NTM: variants seen among roughly 807,000 people sequenced by gnomAD.
The protein encoded by NTM is IgLON family member 2.
In NTM, 13 loss-of-function variants were observed where a neutral mutation model predicts 42.1. That is an observed-to-expected ratio of 0.31 (90% CI 0.20 to 0.49). The LOEUF (loss-of-function observed/expected upper bound fraction) is 0.49, where lower values mean the gene tolerates loss of function less well. NTM is among the 20% of genes least tolerant of loss of function. The pLI is 0.99. For synonymous variants in NTM, 187 were observed against 179.2 expected (o/e 1.04, Z -0.35); for missense variants, 373 against 452.8 (o/e 0.82, Z 1.60).
intron 4 of NTM, among the ~76,000 whole-genome samples, chr11:132,231,202 C>T (rs1272087892): frequency 6.6e-6 from 1 of 152,136 alleles, no homozygotes; most frequent in Non-Finnish European, 1.5e-5. Context: ...TGCAAATGTC[C>T]ATCTTCAAGA....
At chr11:131,836,829 G>T (rs1165253302) in intron 1 of NTM, among the ~76,000 whole-genome samples, 1 of 152,208 alleles carries the variant, frequency 6.6e-6, no homozygotes, top group Non-Finnish European at 1.5e-5. Context: ...TGAGTAATTA[G>T]TTGGATCAAA....
intron 1 of NTM, among the ~76,000 whole-genome samples, chr11:131,904,911 A>C (rs1369701417): frequency 1.3e-5 from 2 of 152,034 alleles, no homozygotes; most frequent in Non-Finnish European, 2.9e-5. Context: ...TTCCTCTCTG[A>C]CTACATCTCA....
chr11:131,647,358 G>A (rs889521072), intron 1 of NTM, among the ~76,000 whole-genome samples: 1 of 152,194 alleles, frequency 6.6e-6, no homozygotes, highest in Non-Finnish European at 1.5e-5. Context: ...TGCCAGGCAT[G>A]GAACAGTGCA....
chr11:131,493,015 C>G (rs145211676), intron 1 of NTM, among the ~76,000 whole-genome samples: 1 of 151,894 alleles, frequency 6.6e-6, no homozygotes, highest in South Asian at 2.1e-4. Context: ...CCCAGAAGCT[C>G]AAGACCAGCC....
At chr11:132,044,570 G>A (rs2077717078) in intron 2 of NTM, among the ~76,000 whole-genome samples, 1 of 152,018 alleles carries the variant, frequency 6.6e-6, no homozygotes, top group Non-Finnish European at 1.5e-5. Context: ...ATGTTCCTGA[G>A]GTGGCCGACA....
intron 1 of NTM, among the ~76,000 whole-genome samples, chr11:131,808,667 A>G (rs981174319): frequency 6.6e-6 from 1 of 152,226 alleles, no homozygotes. Context: ...GGTGAGTCAC[A>G]TCACATGGGT....
At chr11:131,857,565 T>A (rs2046224714) in intron 1 of NTM, among the ~76,000 whole-genome samples, 1 of 152,210 alleles carries the variant, frequency 6.6e-6, no homozygotes, top group African/African-American at 2.4e-5. Flanking sequence ...TGTTCACACG[T>A]CTTTTCCTGG....
chr11:131,919,033 C>G (rs530927533), intron 2 of NTM, among the ~76,000 whole-genome samples: 1 of 152,086 alleles, frequency 6.6e-6, no homozygotes, highest in South Asian at 2.1e-4. Context: ...GACACCAATT[C>G]TAGGAGGATT....
chr11:131,390,574 C>G (rs1303259897), intron 1 of NTM, among the ~76,000 whole-genome samples: 1 of 152,102 alleles, frequency 6.6e-6, no homozygotes, highest in Non-Finnish European at 1.5e-5. Flanking sequence ...GAGTCCTACA[C>G]AGGATTGAGG....
intron 1 of NTM, among the ~76,000 whole-genome samples, chr11:131,504,280 G>T (rs2047209204): frequency 6.6e-6 from 1 of 152,146 alleles, no homozygotes; most frequent in African/African-American, 2.4e-5. Context: ...ACTTGCAAAT[G>T]CAGACCCCTT....
At chr11:132,147,765 C>CT (rs1222315075) in intron 3 of NTM, among the ~76,000 whole-genome samples, 2 of 152,128 alleles carry the variant, frequency 1.3e-5, no homozygotes, top group East Asian at 1.9e-4. Context: ...CTAGGGGCTC[C>CT]TTCCACCAGT....
chr11:131,384,650 G>A (rs1943090908), intron 1 of NTM, among the ~76,000 whole-genome samples: 1 of 152,280 alleles, frequency 6.6e-6, no homozygotes, highest in Admixed American at 6.5e-5. Context: ...GCCAGGTGAG[G>A]CCCTCAGGGA....
intron 1 of NTM, among the ~76,000 whole-genome samples, chr11:131,895,612 A>G (rs2052144308): frequency 6.6e-6 from 1 of 152,016 alleles, no homozygotes; most frequent in Non-Finnish European, 1.5e-5. Context: ...AGATACACAT[A>G]CACACATTTA....
intron 4 of NTM, among the ~76,000 whole-genome samples, chr11:132,251,987 CCAGA>C (rs939383161): frequency 6.6e-6 from 1 of 152,130 alleles, no homozygotes; most frequent in African/African-American, 2.4e-5. Flanking sequence ...GCCTTTCCGC[CCAGA>C]CAGAGAGTGA....
At chr11:131,645,880 A>G (rs1198636136) in intron 1 of NTM, among the ~76,000 whole-genome samples, 3 of 152,220 alleles carry the variant, frequency 2.0e-5, no homozygotes, top group Non-Finnish European at 2.9e-5. Flanking sequence ...ACATCACTCT[A>G]TACCATTAGA....
chr11:131,515,011 C>T (rs771100687), intron 1 of NTM, among the ~76,000 whole-genome samples: 9 of 152,188 alleles, frequency 5.9e-5, no homozygotes, highest in East Asian at 5.8e-4. Context: ...TGGGAACAAG[C>T]GATCCTCCTG....
chr11:132,113,701 A>G (rs926923185), intron 2 of NTM, among the ~76,000 whole-genome samples: 2 of 152,154 alleles, frequency 1.3e-5, no homozygotes, highest in Non-Finnish European at 2.9e-5. Flanking sequence ...TGGATCTGGA[A>G]ATGATTGAGA....
intron 1 of NTM, among the ~76,000 whole-genome samples, chr11:131,483,691 G>A (rs1953860198): frequency 6.6e-6 from 1 of 152,220 alleles, no homozygotes; most frequent in Admixed American, 6.5e-5. Flanking sequence ...CAGCAGCGAA[G>A]AAGAGCCGCT....
intron 1 of NTM, chr11:131,605,881 C>T: frequency 1.0e-6 from 1 of 983,190 alleles, no homozygotes; most frequent in African/African-American, 1.7e-5. Context: ...GCTTCACCAC[C>T]CCACTCTATT....
Sources: gnomAD v4.1 joint callset for allele counts (sites outside exome capture counted in the v4.1 genomes callset) on GRCh38, gnomAD v4.1.1 for gene constraint, MANE v1.5 for transcripts, NCBI Gene and HGNC (gene_info 2026-07-23, HGNC 2026-07-21) for gene names.